The following HMCN1 variants were observed in gnomAD, a reference collection of about 807,000 sequenced individuals.
The protein encoded by HMCN1 is hemicentin 1.
In HMCN1, 321 loss-of-function variants were observed where a neutral mutation model predicts 625.9. The observed-to-expected ratio is 0.51, with a 90% CI of 0.47 to 0.56. The LOEUF is 0.56. Ranked by LOEUF, HMCN1 falls within the 20% of genes least tolerant of loss-of-function variation. HMCN1 has a pLI of 0.00. For synonymous variants in HMCN1, 2,425 were observed against 2,417.6 expected, an observed-to-expected ratio of 1.00 and a Z score of -0.09; for missense variants, 6,588 against 6,887.3, an observed-to-expected ratio of 0.96 and a Z score of 1.54.
intron 1 of HMCN1, among the ~76,000 whole-genome samples, chr1:185,778,607 G>C (rs550983200): frequency 4.0e-5 from 6 of 149,724 alleles, no homozygotes; most frequent in Non-Finnish European, 7.4e-5. Context: ...TTGGTTTTTC[G>C]TCCTTGAGAT....
Position 186,182,259 on chromosome 1 carries a change from A to G in HMCN1, c.16386A>G (p.Gln5462=), listed in dbSNP as rs747152333. 6.2e-7 allele frequency: 1 copy of G among 1,613,478 alleles called. No individual in the cohort carries two copies. The highest frequency in any genetic ancestry group is 1.1e-5 in the South Asian group (1 of 91,074). Residue 5462 remains glutamine, a synonymous_variant, in exon 105 of 107, where the codon CAA becomes CAG. Coordinates refer to ENST00000271588, the MANE Select transcript of HMCN1 (RefSeq NM_031935.3). ...SYQCICPPGY[Q]LTHNGKTCQD... Reference sequence around the variant, plus strand: ...AGTGCATCTGCCCACCTGGCTATCAACTCACACACAATGGAAAGACATGCC... The same window carrying G: ...AGTGCATCTGCCCACCTGGCTATCAGCTCACACACAATGGAAAGACATGCC...
intron 4 of HMCN1, among the ~76,000 whole-genome samples, chr1:185,866,571 A>AT (rs1379008485): frequency 1.3e-4 from 19 of 150,776 alleles, no homozygotes; most frequent in Non-Finnish European, 1.0e-4. Context: ...CGCCCGGCTA[A>AT]TTTTTTTTGT....
chr1:185,965,061 G>T (rs1467009036), intron 13 of HMCN1, among the ~76,000 whole-genome samples: 2 of 151,874 alleles, frequency 1.3e-5, no homozygotes, highest in Non-Finnish European at 2.9e-5. Context: ...TCTGTGAGAA[G>T]TTAACTTAGC....
chr1:186,009,692 A>G (rs572064522), intron 30 of HMCN1, among the ~76,000 whole-genome samples: 4 of 152,342 alleles, frequency 2.6e-5, no homozygotes, highest in Admixed American at 2.0e-4. Flanking sequence ...ACAAAATACA[A>G]GAGAAAAATA....
chr1:185,976,901 A>G (rs1651253172), intron 15 of HMCN1, among the ~76,000 whole-genome samples: 1 of 152,116 alleles, frequency 6.6e-6, no homozygotes, highest in South Asian at 2.1e-4. Flanking sequence ...TGCCTCCAAA[A>G]GTACCCTGTA....
Position 186,189,854 on chromosome 1 carries a change from A to G in HMCN1, c.16884A>G (p.Ile5628Met), listed in dbSNP as rs145792199. The part of the protein sequence containing the change: ...IEYQTTFIVY[I>M]AVSAYPY ...ATCAGACCACATTCATAGTTTATAT[A>G]GCTGTGTCCGCCTATCCATACTAAG... Residue 5628 changes from isoleucine (I) to methionine (M), a missense_variant, in exon 107 of 107, where the codon ATA becomes ATG. This residue lies in a region of HMCN1 where 1,954 missense variants were observed against 2,013.1 expected (regional missense o/e 0.97). Transcript: ENST00000271588. 1.7e-5 allele frequency: 28 copies of G among 1,613,654 alleles called. No homozygotes were observed. In the African/African-American group the frequency reaches 3.1e-4, roughly 18 times the overall value.
chr1:185,953,520 G>A (rs983544164), intron 11 of HMCN1, among the ~76,000 whole-genome samples: 8 of 151,920 alleles, frequency 5.3e-5, no homozygotes, highest in African/African-American at 1.9e-4. Flanking sequence ...TTGAAATTAA[G>A]AGAAGGGAGA....
chr1:185,768,243 G>T (rs1655997975), intron 1 of HMCN1, among the ~76,000 whole-genome samples: 2 of 152,184 alleles, frequency 1.3e-5, no homozygotes, highest in Non-Finnish European at 2.9e-5. Context: ...GTGACAGTAA[G>T]TTGGCTTCTT....
chr1:185,828,334 T>C (rs1325293717), intron 1 of HMCN1, among the ~76,000 whole-genome samples: 1 of 152,126 alleles, frequency 6.6e-6, no homozygotes, highest in Non-Finnish European at 1.5e-5. Flanking sequence ...GTCATGGTCT[T>C]GATGTTAAAC....
chr1:186,041,137 G>T lies in HMCN1; in HGVS notation c.6304+1G>T. ...AGGGACATTGACCTCCGAGTATATG[G>T]TGAGACATTTTAGTAATTAATTCTC... On this transcript the variant is annotated splice_donor_variant, in intron 40 of 106. Transcript: ENST00000271588. LOFTEE classifies it high-confidence loss of function. 1.2e-6 allele frequency: 2 copies of T among 1,612,040 alleles called. No individual in the cohort carries two copies. The highest frequency in any genetic ancestry group is 1.7e-6 in the Non-Finnish European group (2 of 1,178,418).
At chr1:186,085,804 C>T (rs1366295866) in intron 57 of HMCN1, among the ~76,000 whole-genome samples, 2 of 152,088 alleles carry the variant, frequency 1.3e-5, no homozygotes, top group East Asian at 3.9e-4. Flanking sequence ...TCTAACCTGA[C>T]TCTAGATCCC....
At chr1:185,998,556 T>C (rs892750275) in intron 25 of HMCN1, among the ~76,000 whole-genome samples, 2 of 152,012 alleles carry the variant, frequency 1.3e-5, no homozygotes, top group African/African-American at 4.8e-5. Flanking sequence ...GTACCATGAG[T>C]GTTCACTCCC....
At chr1:186,186,602 A>G (rs550167102) in intron 105 of HMCN1, among the ~76,000 whole-genome samples, 4 of 152,306 alleles carry the variant, frequency 2.6e-5, no homozygotes, top group South Asian at 4.1e-4. Flanking sequence ...AGCCACCTCT[A>G]TCAGTCTTTA....
At chr1:185,780,979 G>T (rs1657047122) in intron 1 of HMCN1, among the ~76,000 whole-genome samples, 1 of 152,076 alleles carries the variant, frequency 6.6e-6, no homozygotes, top group Non-Finnish European at 1.5e-5. Flanking sequence ...ACCTGGTCCT[G>T]GACTTTTTTT....
At chr1:185,887,206 C>T (rs1664714086) in intron 4 of HMCN1, among the ~76,000 whole-genome samples, 1 of 152,066 alleles carries the variant, frequency 6.6e-6, no homozygotes, top group South Asian at 2.1e-4. Context: ...CTTACTATTT[C>T]TTCAGAAAAT....
chr1:185,805,016 G>T (rs191640672), intron 1 of HMCN1, among the ~76,000 whole-genome samples: 64 of 152,210 alleles, frequency 4.2e-4, no homozygotes, highest in Admixed American at 1.4e-3. Context: ...GGAAGGAATT[G>T]TACACCTGAC....
chr1:186,014,055 C>T (rs1249035563), intron 30 of HMCN1, among the ~76,000 whole-genome samples: 3 of 152,114 alleles, frequency 2.0e-5, no homozygotes, highest in African/African-American at 7.2e-5. Context: ...ATGGCAAACA[C>T]TACCTTAGCC....
intron 37 of HMCN1, among the ~76,000 whole-genome samples, chr1:186,038,555 TG>T (rs1256767424): frequency 6.6e-6 from 1 of 152,144 alleles, no homozygotes; most frequent in Non-Finnish European, 1.5e-5. Context: ...ATAGATAGGT[TG>T]AAAGTTTGCT....
intron 54 of HMCN1, among the ~76,000 whole-genome samples, chr1:186,077,878 A>G (rs1283439819): frequency 6.6e-6 from 1 of 152,214 alleles, no homozygotes; most frequent in Non-Finnish European, 1.5e-5. Flanking sequence ...AGGAAAATCT[A>G]CATGAGCTAT....
Sources: allele counts gnomAD v4.1 joint callset (sites outside exome capture counted in the v4.1 genomes callset), GRCh38; gene constraint gnomAD v4.1.1; regional missense constraint gnomAD v4.1.1; transcripts MANE v1.5; gene names NCBI Gene and HGNC (gene_info 2026-07-23, HGNC 2026-07-21).